OSBPL9: variants seen among roughly 807,000 people sequenced by gnomAD.
OSBPL9 encodes oxysterol-binding protein-related protein 9.
OSBPL9 carries 40 observed loss-of-function variants against 106.6 expected under a neutral mutation model. That is an observed-to-expected ratio of 0.38 (90% confidence interval 0.29 to 0.49). The LOEUF is 0.49. Ranked by LOEUF, OSBPL9 falls within the 20% of genes least tolerant of loss-of-function variation. OSBPL9 has a pLI of 0.97. For synonymous variants in OSBPL9, 269 were observed against 295.4 expected, an observed-to-expected ratio of 0.91 and a Z score of 0.92; for missense variants, 609 against 887.2, an observed-to-expected ratio of 0.69 and a Z score of 3.98.
upstream of OSBPL9, among the ~76,000 whole-genome samples, chr1:51,615,599 G>A (rs946544752): frequency 6.6e-6 from 1 of 152,054 alleles, no homozygotes; most frequent in Non-Finnish European, 1.5e-5. Flanking sequence ...ATATTCTCTA[G>A]TGTCTTCGAT....
At chr1:51,756,239 T>C in intron 8 of OSBPL9, 81 bp from the exon 9 acceptor site, 1 of 1,208,240 alleles carries the variant, frequency 8.3e-7, no homozygotes, top group East Asian at 2.4e-5. Flanking sequence ...ACCTAGTAAA[T>C]AAGCTTTCTT....
the OSBPL9 span, among the ~76,000 whole-genome samples, chr1:51,527,635 C>A: frequency 3.3e-5 from 5 of 152,002 alleles, no homozygotes; most frequent in Non-Finnish European, 7.4e-5. Context: ...CTCAAGCAAT[C>A]CTCCTGTCTC....
rs148869975 is a variant in OSBPL9 at position 51,671,066 on chromosome 1, C to G, written c.241+1554C>G. Among the ~76,000 whole-genome samples, 553 of 152,258 alleles carry G rather than the reference C, an allele frequency of 3.6e-3. 4 individuals are homozygous for G. Among genetic ancestry groups the G allele is most frequent in the African/African-American group, 0.012 (507 of 41,536 alleles). On this transcript the variant is annotated intron_variant, in intron 3 of 23. Transcript: ENST00000428468. ...TTTGGCTTATAAAACAAGAAATATTCCTCAGGAAGGATTTAAATGATAAGA... is the reference window on the plus strand; with the variant it reads ...TTTGGCTTATAAAACAAGAAATATTGCTCAGGAAGGATTTAAATGATAAGA...
At chr1:51,710,989 A>G (rs887892288) in intron 3 of OSBPL9, among the ~76,000 whole-genome samples, 3 of 147,642 alleles carry the variant, frequency 2.0e-5, no homozygotes, top group African/African-American at 7.5e-5. Context: ...TGTGTGTTAC[A>G]TTTTCTCATA....
At chr1:51,538,236 G>A in the OSBPL9 span, among the ~76,000 whole-genome samples, 1 of 152,022 alleles carries the variant, frequency 6.6e-6, no homozygotes, top group African/African-American at 2.4e-5. Context: ...AGGTTGCAGT[G>A]AGCCAAGATC....
At chr1:51,703,415 G>A (rs1657742683) in intron 3 of OSBPL9, among the ~76,000 whole-genome samples, 1 of 152,174 alleles carries the variant, frequency 6.6e-6, no homozygotes, top group Non-Finnish European at 1.5e-5. Context: ...TTGTGAATGG[G>A]AGTTCACACA....
intron 3 of OSBPL9, among the ~76,000 whole-genome samples, chr1:51,677,842 C>T (rs963962422): frequency 7.2e-5 from 11 of 152,108 alleles, no homozygotes; most frequent in Non-Finnish European, 1.5e-5. Flanking sequence ...AGCCACTGTG[C>T]CTGGCTACAG....
At chr1:51,762,007 T>A in intron 11 of OSBPL9, 36 bp downstream of exon 11, 1 of 1,437,880 alleles carries the variant, frequency 7.0e-7, no homozygotes, top group East Asian at 2.3e-5. Context: ...GTCTCATAAC[T>A]CTATTAACAT....
the OSBPL9 span, among the ~76,000 whole-genome samples, chr1:51,569,083 TTAAG>T: frequency 6.6e-6 from 1 of 152,154 alleles, no homozygotes; most frequent in Admixed American, 6.5e-5. Context: ...ACACACGTGC[TTAAG>T]TAAGATCTGG....
intron 3 of OSBPL9, chr1:51,669,815 GTTGCTGATCTTCTTTATCAAGGA>G (rs1169708888): frequency 1.3e-5 from 7 of 520,670 alleles, no homozygotes; most frequent in African/African-American, 1.1e-4. Context: ...TTTACAGAAG[GTTGCTGATCTTCTTTATCAAGGA>G]GTATGGTTCT....
chr1:51,527,369 ATGG>A, the OSBPL9 span, among the ~76,000 whole-genome samples: 6 of 148,770 alleles, frequency 4.0e-5, no homozygotes, highest in South Asian at 2.1e-4. Context: ...GATGATGATG[ATGG>A]TGATTAAGAA....
At chr1:51,771,131 TAA>T in intron 12 of OSBPL9, among the ~76,000 whole-genome samples, 1 of 152,278 alleles carries the variant, frequency 6.6e-6, no homozygotes, top group Non-Finnish European at 1.5e-5. Context: ...GCTCTAAAAA[TAA>T]AGTTTATTAA....
intron 1 of OSBPL9, chr1:51,583,395 G>A (rs1205630305): frequency 6.6e-6 from 1 of 152,166 alleles, no homozygotes; most frequent in African/African-American, 2.4e-5. Context: ...GCTCAACAAC[G>A]AAGTTAGAAT....
chr1:51,776,691 G>C, intron 14 of OSBPL9, 142 bp from the exon 15 acceptor site: 1 of 593,712 alleles, frequency 1.7e-6, no homozygotes, highest in South Asian at 2.3e-5. Context: ...ATTAGTTTTT[G>C]GAGCATGCCT....
At chr1:51,596,641 A>G (rs577123622) in intron 1 of OSBPL9, among the ~76,000 whole-genome samples, 57 of 150,720 alleles carry the variant, frequency 3.8e-4, no homozygotes, top group Non-Finnish European at 6.9e-4. Context: ...TTAGCCAGGC[A>G]TGGTGGCATG....
intron 1 of OSBPL9, among the ~76,000 whole-genome samples, chr1:51,578,050 A>C (rs1381921141): frequency 6.6e-6 from 1 of 152,206 alleles, no homozygotes; most frequent in Admixed American, 6.5e-5. Context: ...TGTCTTCCCT[A>C]CCAGACTAGT....
chr1:51,658,675 G>T (rs1646961678), intron 2 of OSBPL9, among the ~76,000 whole-genome samples: 1 of 151,936 alleles, frequency 6.6e-6, no homozygotes, highest in South Asian at 2.1e-4. Flanking sequence ...GAGGTCGGTG[G>T]TGCACCATGA....
At chr1:51,588,505 A>T (rs982729821) in intron 1 of OSBPL9, among the ~76,000 whole-genome samples, 3 of 152,148 alleles carry the variant, frequency 2.0e-5, no homozygotes, top group Non-Finnish European at 4.4e-5. Flanking sequence ...ACTAAAAATT[A>T]AAAAATTAGC....
intron 1 of OSBPL9, among the ~76,000 whole-genome samples, chr1:51,651,486 C>T (rs568509953): frequency 2.9e-4 from 44 of 152,110 alleles, no homozygotes; most frequent in African/African-American, 1.1e-3. Context: ...GCCTGTAATC[C>T]CAGCTACTCT....
Sources: allele counts gnomAD v4.1 joint callset (sites outside exome capture counted in the v4.1 genomes callset), GRCh38; gene constraint gnomAD v4.1.1; transcripts MANE v1.5; gene names NCBI Gene and HGNC (gene_info 2026-07-23, HGNC 2026-07-21).